The following ELFN1 variants were observed in gnomAD, a reference collection of about 807,000 sequenced individuals.
ELFN1 encodes the protein extracellular leucine rich repeat and fibronectin type III domain containing 1, also known as protein ELFN1.
ELFN1 carries 6 observed loss-of-function variants against 7.6 expected under a neutral mutation model. The observed-to-expected ratio is 0.79, with a 90% CI of 0.43 to 1.56. ELFN1 has a LOEUF of 1.56. Ranked by LOEUF, ELFN1 falls within the 40% of genes most tolerant of loss-of-function variation. ELFN1 has a pLI of 0.01. For missense variants in ELFN1, 1,169 were observed against 1,232.2 expected, an observed-to-expected ratio of 0.95 and a Z score of 0.77; for synonymous variants, 657 against 588.1, an observed-to-expected ratio of 1.12 and a Z score of -1.70.
rs1289290419 is a variant in ELFN1 at position 1,745,909 on chromosome 7, A to T, written c.1313A>T (p.Tyr438Phe). The T allele has an allele frequency of 6.3e-7, 1 of 1,580,942 alleles. No individual in the cohort carries two copies. The highest frequency in any genetic ancestry group is 8.6e-7 in the Non-Finnish European group (1 of 1,165,398). The change falls in exon 4 of 4, where the codon TAC becomes TTC. Residue 438 changes from tyrosine (Y) to phenylalanine (F), a missense_variant. This residue lies in a region of ELFN1 where 914 missense variants were observed against 872.6 expected (regional missense o/e 1.05). Coordinates refer to ENST00000424383, the MANE Select transcript of ELFN1 (RefSeq NM_001128636.4). ...GMVLVLGAVY[Y>F]CLRRRRRQEE... is the part of the protein sequence containing the mutation. Reference sequence around the variant, plus strand: ...GTGCTGGTGCTGGGCGCCGTCTACTACTGCCTGCGCAGGCGGCGGCGCCAG... The same window carrying T: ...GTGCTGGTGCTGGGCGCCGTCTACTTCTGCCTGCGCAGGCGGCGGCGCCAG...
chr7:1,693,181 G>C, intron 2 of ELFN1: 1 of 370,908 alleles, frequency 2.7e-6, no homozygotes, highest in South Asian at 2.0e-5. Flanking sequence ...GTTCCGCTGG[G>C]GTCCTGGTAG....
At chr7:1,697,512 C>T (rs915395826) in intron 2 of ELFN1, among the ~76,000 whole-genome samples, 5 of 152,244 alleles carry the variant, frequency 3.3e-5, no homozygotes, top group African/African-American at 1.2e-4. Context: ...GTGTATAGCA[C>T]GTGTTTAGGG....
At chr7:1,744,089 A>G (rs1207344762) in intron 3 of ELFN1, among the ~76,000 whole-genome samples, 2 of 152,008 alleles carry the variant, frequency 1.3e-5, no homozygotes, top group Non-Finnish European at 2.9e-5. Context: ...AGGGTGAAGC[A>G]TTTCCTCCGC....
At chr7:1,708,304 C>A (rs982431704) in intron 2 of ELFN1, among the ~76,000 whole-genome samples, 2 of 152,210 alleles carry the variant, frequency 1.3e-5, no homozygotes, top group Non-Finnish European at 2.9e-5. Flanking sequence ...GAGATGAGGC[C>A]TGGAGAATCC....
Position 1,706,093 on chromosome 7 carries a change from C to T in ELFN1, c.-455-2998C>T, listed in dbSNP as rs141141858. Among the ~76,000 whole-genome samples, 124 of 152,320 alleles carry T rather than the reference C, an allele frequency of 8.1e-4. 2 individuals carry two copies. In the East Asian group the frequency reaches 0.014, roughly 17 times the overall value. ...TCTGGGTTCCTCCTCCGATCCACCG[C>T]GGACCACATACAAGGGCAGGAGCCA... On this transcript the variant is annotated intron_variant, in intron 2 of 3. Transcript: ENST00000424383.
chr7:1,704,830 G>T (rs1779498881), intron 2 of ELFN1, among the ~76,000 whole-genome samples: 1 of 152,084 alleles, frequency 6.6e-6, no homozygotes, highest in Non-Finnish European at 1.5e-5. Context: ...TGGGGTGTGG[G>T]CTGGGCAGGC....
intron 3 of ELFN1, among the ~76,000 whole-genome samples, chr7:1,716,941 A>T (rs1483594656): frequency 1.3e-5 from 2 of 152,082 alleles, no homozygotes; most frequent in African/African-American, 4.8e-5. Context: ...AGCCAGAGGG[A>T]AATTAGTAGA....
rs1051890722 is a variant in ELFN1 at position 1,739,197 on chromosome 7, C to T, written c.-293-5107C>T. ...CCGCCTTGGTGGTTAGCGAGGCTCC[C>T]TCTGGCTGTGGAGGGAGAATGGATT... is the stretch of plus-strand genomic sequence containing the variant. On this transcript the variant is annotated intron_variant, in intron 3 of 3. Coordinates refer to ENST00000424383, the MANE Select transcript of ELFN1 (RefSeq NM_001128636.4). The surrounding 1 kb of genome is among the most constrained non-coding windows in gnomAD (Gnocchi z 4.6). 3 of 152,216 alleles carry T rather than the reference C, an allele frequency of 2.0e-5. No homozygotes were observed. The highest frequency in any genetic ancestry group is 2.9e-5 in the Non-Finnish European group (2 of 68,112). 9.4% of individuals were successfully genotyped at this position (152,216 alleles called of 1,614,324 possible). A position where few individuals can be genotyped will look rare whatever the true frequency, so the allele number is the denominator to read the frequency against.
intron 3 of ELFN1, among the ~76,000 whole-genome samples, chr7:1,743,287 G>A (rs1273658288): frequency 6.6e-6 from 1 of 152,204 alleles, no homozygotes; most frequent in Non-Finnish European, 1.5e-5. Flanking sequence ...GGGTCCAGTG[G>A]AGGCTGAGGA....
At chr7:1,701,100 TGC>T (rs936074740) in intron 2 of ELFN1, among the ~76,000 whole-genome samples, 22 of 151,860 alleles carry the variant, frequency 1.4e-4, no homozygotes, top group East Asian at 1.4e-3. Context: ...CGCGTGTGTG[TGC>T]GCATATGTGT....
intron 3 of ELFN1, among the ~76,000 whole-genome samples, chr7:1,736,409 G>C (rs920084914): frequency 1.3e-5 from 2 of 152,202 alleles, no homozygotes; most frequent in Admixed American, 1.3e-4. Context: ...TGATCGAGAC[G>C]AGGAACAATA....
intron 3 of ELFN1, among the ~76,000 whole-genome samples, chr7:1,724,713 C>G (rs925863156): frequency 1.3e-5 from 2 of 152,168 alleles, no homozygotes; most frequent in African/African-American, 4.8e-5. Flanking sequence ...CGCGACTCCC[C>G]CCAGGGCCTG....
At chr7:1,741,658 G>T (rs992568695) in intron 3 of ELFN1, among the ~76,000 whole-genome samples, 4 of 152,168 alleles carry the variant, frequency 2.6e-5, no homozygotes, top group Non-Finnish European at 5.9e-5. Flanking sequence ...ACCCAGCCAG[G>T]CCCTGGAGAT....
At position 1,673,574 on chromosome 7, in the gene ELFN1, G is replaced by T. The variant is rs1301163904; in HGVS notation, c.-549+3220G>T. Among the ~76,000 whole-genome samples, 1 of 152,134 alleles carries T rather than the reference G, an allele frequency of 6.6e-6. No homozygotes were observed. The highest frequency in any genetic ancestry group is 1.5e-5 in the Non-Finnish European group (1 of 67,964). Reference sequence around the variant, plus strand: ...GTCCCACCTCTTCCAGCCTCCTGGGGAGGGAGGGCGGGAGGTGAGAGACCA... The same window carrying T: ...GTCCCACCTCTTCCAGCCTCCTGGGTAGGGAGGGCGGGAGGTGAGAGACCA... On this transcript the variant is annotated intron_variant, in intron 1 of 3. Transcript: ENST00000424383. This position sits in a 1 kb window ranked among gnomAD's most constrained non-coding sequence, Gnocchi z 4.7.
chr7:1,699,142 G>C (rs1310857282), intron 2 of ELFN1, among the ~76,000 whole-genome samples: 1 of 152,226 alleles, frequency 6.6e-6, no homozygotes, highest in Non-Finnish European at 1.5e-5. Context: ...TTGCCGTATA[G>C]TATTCCCATG....
At chr7:1,721,018 A>T (rs1044039848) in intron 3 of ELFN1, among the ~76,000 whole-genome samples, 1 of 152,160 alleles carries the variant, frequency 6.6e-6, no homozygotes, top group African/African-American at 2.4e-5. Flanking sequence ...AAGACTTTCC[A>T]CGTCATGGTA....
chr7:1,719,984 A>ACCTCTGCAAACCCTCCCCCACCATCT (rs1430417669), intron 3 of ELFN1, among the ~76,000 whole-genome samples: 1 of 128,248 alleles, frequency 7.8e-6, no homozygotes, highest in Admixed American at 8.4e-5. Flanking sequence ...CCCCACCATC[A>ACCTCTGCAAACCCTCCCCCACCATCT]CCTCTGCAAA....
Position 1,735,503 on chromosome 7 carries a change from C to G in ELFN1, c.-293-8801C>G, listed in dbSNP as rs1330168672. Reference sequence around the variant, plus strand: ...AGACCCAACCCTGCGGCCATGTCCCCAGGAGCCAGCCCCGCCGAGTCAGCC... The same window carrying G: ...AGACCCAACCCTGCGGCCATGTCCCGAGGAGCCAGCCCCGCCGAGTCAGCC... On this transcript the variant is annotated intron_variant, in intron 3 of 3. Coordinates refer to ENST00000424383, the MANE Select transcript of ELFN1 (RefSeq NM_001128636.4). This position sits in a 1 kb window ranked among gnomAD's most constrained non-coding sequence, Gnocchi z 5.9. 2.6e-5 allele frequency among the ~76,000 whole-genome samples: 4 copies of G among 152,112 alleles called. No individual in the cohort carries two copies. Among genetic ancestry groups the G allele is most frequent in the African/African-American group, 9.7e-5 (4 of 41,422 alleles).
chr7:1,747,823 A>C lies in ELFN1; in HGVS notation c.*740A>C, dbSNP rs116312610. ...GTAGTCGTTCTATTGTACAGAAAAA[A>C]ATATTTCTATATTTGCAATGTTTGC... On this transcript the variant is annotated 3_prime_UTR_variant, in exon 4 of 4. Transcript: ENST00000424383. 1 of 166,508 alleles carries C rather than the reference A, an allele frequency of 6.0e-6. No individual in the cohort carries two copies. Among genetic ancestry groups the C allele is most frequent in the Non-Finnish European group, 1.5e-5 (1 of 68,100 alleles). The allele number at this position is 166,508 out of a possible 1,614,324, so 10.3% of individuals were successfully genotyped here. A position where few individuals can be genotyped will look rare whatever the true frequency, so the allele number is the denominator to read the frequency against.
Sources: gnomAD v4.1 joint callset for allele counts (sites outside exome capture counted in the v4.1 genomes callset) on GRCh38, gnomAD v4.1.1 for gene constraint, gnomAD v4.1.1 regional missense constraint, Gnocchi (gnomAD v3.1) non-coding constraint, MANE v1.5 for transcripts, NCBI Gene and HGNC (gene_info 2026-07-23, HGNC 2026-07-21) for gene names.